Variants in SLC39A10 observed in about 807,000 individuals in gnomAD.
The protein encoded by SLC39A10 is solute carrier family 39 member 10.
Under a neutral mutation model 65.1 loss-of-function variants are expected in SLC39A10, and 13 were observed. The observed-to-expected ratio is 0.20, with a 90% CI of 0.13 to 0.32. SLC39A10 has a LOEUF of 0.32. Among genes scored for constraint, SLC39A10 ranks in the 10% least tolerant of loss-of-function variants. The pLI is 1.00. For synonymous variants in SLC39A10, 321 were observed against 342.2 expected, an observed-to-expected ratio of 0.94 and a Z score of 0.68; for missense variants, 831 against 1,018.4, an observed-to-expected ratio of 0.82 and a Z score of 2.50.
intron 4 of SLC39A10, among the ~76,000 whole-genome samples, chr2:195,707,888 G>A (rs543864851): frequency 2.6e-5 from 4 of 152,226 alleles, no homozygotes; most frequent in South Asian, 4.1e-4. Context: ...ATTTTAGAAC[G>A]AAGAAAGATA....
At chr2:195,687,244 A>G (rs1227449709) in intron 3 of SLC39A10, among the ~76,000 whole-genome samples, 1 of 152,210 alleles carries the variant, frequency 6.6e-6, no homozygotes, top group Non-Finnish European at 1.5e-5. Context: ...TAAAAATAAA[A>G]TAGATTTATT....
At chr2:195,663,902 C>T (rs1378748704) in intron 1 of SLC39A10, among the ~76,000 whole-genome samples, 1 of 151,300 alleles carries the variant, frequency 6.6e-6, no homozygotes, top group East Asian at 1.9e-4. Context: ...TCCTGTCATC[C>T]AGGTACTGAG....
At chr2:195,732,199 A>G (rs1206470012) in intron 9 of SLC39A10, among the ~76,000 whole-genome samples, 1 of 152,238 alleles carries the variant, frequency 6.6e-6, no homozygotes, top group Non-Finnish European at 1.5e-5. Flanking sequence ...AGAGCCATGA[A>G]AAAGTTTAAG....
chr2:195,688,337 A>C (rs755674521), intron 3 of SLC39A10, among the ~76,000 whole-genome samples: 54 of 152,164 alleles, frequency 3.5e-4, no homozygotes, highest in Admixed American at 3.3e-4. Context: ...ACGTGTAGGA[A>C]ATTAGGATAG....
chr2:195,673,210 C>G (rs887784626), intron 1 of SLC39A10, among the ~76,000 whole-genome samples: 9 of 152,154 alleles, frequency 5.9e-5, no homozygotes, highest in Non-Finnish European at 1.5e-5. Context: ...GACAATGTCT[C>G]TTATTGCCCA....
chr2:195,637,660 C>T (rs193273571), intron 2 of SLC39A10, among the ~76,000 whole-genome samples: 3 of 152,178 alleles, frequency 2.0e-5, no homozygotes, highest in Admixed American at 1.3e-4. Context: ...TCATTCTTAA[C>T]CATAATTGAG....
intron 4 of SLC39A10, among the ~76,000 whole-genome samples, chr2:195,707,712 A>G (rs995725940): frequency 3.9e-5 from 6 of 152,114 alleles, no homozygotes; most frequent in African/African-American, 1.4e-4. Context: ...GGGCCTAGTA[A>G]GAGTTATTGA....
intron 5 of SLC39A10, among the ~76,000 whole-genome samples, chr2:195,710,841 G>A (rs1691579845): frequency 6.6e-6 from 1 of 152,182 alleles, no homozygotes; most frequent in South Asian, 2.1e-4. Context: ...TGTGGAAGGT[G>A]AAGTAATTAA....
chr2:195,669,074 G>GAA (rs11440320), intron 1 of SLC39A10, among the ~76,000 whole-genome samples: 3,046 of 134,962 alleles, frequency 0.023, 75 homozygotes, highest in East Asian at 0.07. Context: ...CTCCCTCTCA[G>GAA]AAAAAAAAAA....
intron 3 of SLC39A10, among the ~76,000 whole-genome samples, chr2:195,696,942 C>T (rs1212715789): frequency 6.6e-6 from 1 of 152,088 alleles, no homozygotes; most frequent in East Asian, 1.9e-4. Flanking sequence ...CTTGAAAAAT[C>T]AAGTGCCTGT....
intron 1 of SLC39A10, among the ~76,000 whole-genome samples, chr2:195,659,805 C>G (rs1010556212): frequency 1.3e-5 from 2 of 152,104 alleles, no homozygotes; most frequent in Non-Finnish European, 2.9e-5. Flanking sequence ...TTTCTACATA[C>G]AGATGTTTCA....
intron 9 of SLC39A10, among the ~76,000 whole-genome samples, chr2:195,730,951 C>A (rs1255744799): frequency 1.3e-5 from 2 of 152,160 alleles, no homozygotes; most frequent in Non-Finnish European, 2.9e-5. Flanking sequence ...TTCGCCTAAC[C>A]ACCTGTACCC....
intron 1 of SLC39A10, among the ~76,000 whole-genome samples, chr2:195,668,067 C>A (rs1689705178): frequency 2.6e-5 from 4 of 152,168 alleles, no homozygotes; most frequent in Admixed American, 2.6e-4. Context: ...AGAGTCAGAT[C>A]TCTAACATCT....
chr2:195,678,080 T>G (rs1430873226), intron 1 of SLC39A10, among the ~76,000 whole-genome samples: 1 of 152,202 alleles, frequency 6.6e-6, no homozygotes, highest in Non-Finnish European at 1.5e-5. Flanking sequence ...GAATAATGAT[T>G]ACGTGAATAT....
chr2:195,637,548 A>G (rs188919194), intron 2 of SLC39A10, among the ~76,000 whole-genome samples: 69 of 152,390 alleles, frequency 4.5e-4, no homozygotes, highest in African/African-American at 1.6e-3. Context: ...GTAGAAATAC[A>G]GTCAAACAAT....
At chr2:195,687,340 G>A (rs1254057304) in intron 3 of SLC39A10, among the ~76,000 whole-genome samples, 2 of 151,958 alleles carry the variant, frequency 1.3e-5, no homozygotes, top group Admixed American at 6.6e-5. Flanking sequence ...GAAGGCTTCT[G>A]AAAAGATTCT....
chr2:195,637,683 C>A (rs1052209751), intron 2 of SLC39A10, among the ~76,000 whole-genome samples: 2 of 152,100 alleles, frequency 1.3e-5, no homozygotes, highest in Non-Finnish European at 2.9e-5. Flanking sequence ...ACAACAGGAG[C>A]CAGAGGATTC....
intron 1 of SLC39A10, among the ~76,000 whole-genome samples, chr2:195,661,987 C>T (rs1217152876): frequency 6.6e-6 from 1 of 152,110 alleles, no homozygotes; most frequent in Non-Finnish European, 1.5e-5. Flanking sequence ...CTTTTATATA[C>T]TCGACTTTGG....
chr2:195,721,578 T>A (rs922139693), intron 8 of SLC39A10, among the ~76,000 whole-genome samples: 2 of 152,238 alleles, frequency 1.3e-5, no homozygotes, highest in African/African-American at 4.8e-5. Context: ...TGTAGTTTTT[T>A]AATGCACAGA....
Sources: allele counts gnomAD v4.1 joint callset (sites outside exome capture counted in the v4.1 genomes callset), GRCh38; gene constraint gnomAD v4.1.1; transcripts MANE v1.5; gene names NCBI Gene and HGNC (gene_info 2026-07-23, HGNC 2026-07-21).